Variants in CTNNA2 observed in about 807,000 individuals in gnomAD.
CTNNA2 encodes catenin alpha-2.
CTNNA2 carries 42 observed loss-of-function variants against 101.0 expected under a neutral mutation model. The ratio of observed to expected loss-of-function variants is 0.42; its 90% confidence interval spans 0.32 to 0.54. The LOEUF (loss-of-function observed/expected upper bound fraction) is 0.54. Ranked by LOEUF, CTNNA2 falls within the 20% of genes least tolerant of loss-of-function variation. The pLI is 0.14. For missense variants in CTNNA2, 871 were observed against 1,223.1 expected (o/e 0.71, Z 4.29); for synonymous variants, 450 against 456.4 (o/e 0.99, Z 0.18).
Position 79,889,436 on chromosome 2 carries a change from A to G in CTNNA2, c.852+15094A>G, listed in dbSNP as rs1322682795. 3.3e-5 allele frequency among the ~76,000 whole-genome samples: 5 copies of G among 152,314 alleles called. No homozygotes were observed. In the East Asian group the frequency reaches 7.7e-4, roughly 24 times the overall value. ...ATGCACGTATGATTAGCAGGCACCC[A>G]ACATAACTGAGAACATAAATAGTCG... On this transcript the variant is annotated intron_variant, in intron 6 of 18. Coordinates refer to ENST00000402739, the MANE Select transcript of CTNNA2 (RefSeq NM_001282597.3).
chr2:79,861,821 T>C (rs574029870), intron 4 of CTNNA2, among the ~76,000 whole-genome samples: 1 of 152,328 alleles, frequency 6.6e-6, no homozygotes, highest in African/African-American at 2.4e-5. Context: ...TTAATGTTCC[T>C]GAGTAAAGCT....
Position 80,581,809 on chromosome 2 carries a change from A to C in CTNNA2, c.1997A>C (p.Gln666Pro). 1 of 1,604,984 alleles carries C rather than the reference A, an allele frequency of 6.2e-7. No individual in the cohort carries two copies. Among genetic ancestry groups the C allele is most frequent in the Admixed American group, 1.7e-5 (1 of 59,894 alleles). Residue 666 changes from glutamine to proline, a missense_variant, in exon 14 of 19, where the codon CAG becomes CCG. By Grantham distance (76) the Gln-to-Pro change is moderately conservative (BLOSUM62 -1). This residue lies in a region of CTNNA2 where 93 missense variants were observed against 223.7 expected (regional missense o/e 0.42). Coordinates refer to ENST00000402739, the MANE Select transcript of CTNNA2 (RefSeq NM_001282597.3). ...GAGGATGACCAGCTCATTGCAGGGCAGAGCGCACGGGTGAGTGGACACCTA... is the reference window on the plus strand; with the variant it reads ...GAGGATGACCAGCTCATTGCAGGGCCGAGCGCACGGGTGAGTGGACACCTA... The part of the protein sequence containing the change: ...QTEDDQLIAG[Q>P]SARAIMAQLP...
intron 1 of CTNNA2, among the ~76,000 whole-genome samples, chr2:79,194,273 T>C (rs1424280849): frequency 6.6e-6 from 1 of 152,080 alleles, no homozygotes; most frequent in Non-Finnish European, 1.5e-5. Flanking sequence ...TTAAAAGAGG[T>C]GACATGTGAG....
chr2:79,289,357 A>G (rs1341688228), intron 2 of CTNNA2, among the ~76,000 whole-genome samples: 1 of 152,220 alleles, frequency 6.6e-6, no homozygotes, highest in African/African-American at 2.4e-5. Context: ...TTAATGATGA[A>G]GACAACAAAA....
chr2:79,951,462 T>G (rs1419753267), intron 7 of CTNNA2, among the ~76,000 whole-genome samples: 1 of 152,136 alleles, frequency 6.6e-6, no homozygotes, highest in Non-Finnish European at 1.5e-5. Context: ...AGGTCAGGAT[T>G]CGAGACCAGC....
rs536896880 is a variant in CTNNA2 at position 80,017,162 on chromosome 2, G to A, written c.1056+107365G>A. Among the ~76,000 whole-genome samples the A allele has an allele frequency of 5.3e-5, 8 of 152,196 alleles. No homozygotes were observed. The East Asian group carries it at 1.4e-3, about 26-fold the overall frequency. On this transcript the variant is annotated intron_variant, in intron 7 of 18. Coordinates refer to ENST00000402739, the MANE Select transcript of CTNNA2 (RefSeq NM_001282597.3). ...AAATGCACAATTCCTTTGCCTAGTGGGTAAGCCCCCTTCTAGAGTGTAAAC... is the reference window on the plus strand; with the variant it reads ...AAATGCACAATTCCTTTGCCTAGTGAGTAAGCCCCCTTCTAGAGTGTAAAC...
intron 2 of CTNNA2, among the ~76,000 whole-genome samples, chr2:79,265,829 C>A (rs1674979812): frequency 6.6e-6 from 1 of 152,066 alleles, no homozygotes; most frequent in Non-Finnish European, 1.5e-5. Flanking sequence ...GCTATCTCTC[C>A]AGAGATTCTT....
intron 2 of CTNNA2, among the ~76,000 whole-genome samples, chr2:79,311,175 C>G (rs1055245002): frequency 1.3e-5 from 2 of 152,094 alleles, no homozygotes; most frequent in Admixed American, 6.5e-5. Flanking sequence ...TTTGGGAGGC[C>G]GAGGCGGGCG....
At chr2:79,771,693 T>C (rs913955587) in intron 3 of CTNNA2, among the ~76,000 whole-genome samples, 1 of 152,168 alleles carries the variant, frequency 6.6e-6, no homozygotes, top group Non-Finnish European at 1.5e-5. Context: ...GCTCAGGCGG[T>C]AATGCCAGTG....
intron 1 of CTNNA2, among the ~76,000 whole-genome samples, chr2:79,532,760 A>G (rs903027854): frequency 6.6e-6 from 1 of 151,974 alleles, no homozygotes; most frequent in African/African-American, 2.4e-5. Context: ...CATTTCTCCA[A>G]TGCTAAAACC....
rs139947364 is a variant in CTNNA2, at chr2:80,429,270, T to G, written c.1290+9669T>G. On this transcript the variant is annotated intron_variant, in intron 9 of 18. Coordinates refer to ENST00000402739, the MANE Select transcript of CTNNA2 (RefSeq NM_001282597.3). The stretch of plus-strand genomic sequence containing the variant: ...AAAGCTAGGGTTTTAAAATTAACTA[T>G]TTATAACCTTATTTAATGCTTCTGA... Among the ~76,000 whole-genome samples the G allele has an allele frequency of 4.1e-3, 628 of 152,274 alleles. 5 individuals are homozygous for G. The highest frequency in any genetic ancestry group is 0.014 in the African/African-American group (599 of 41,554).
chr2:79,312,057 C>T (rs528805606), intron 2 of CTNNA2, among the ~76,000 whole-genome samples: 1 of 151,322 alleles, frequency 6.6e-6, no homozygotes, highest in South Asian at 2.1e-4. Flanking sequence ...CACATGCTAC[C>T]ATGCATGGCT....
At chr2:80,541,236 G>T (rs1472324136) in intron 9 of CTNNA2, among the ~76,000 whole-genome samples, 1 of 152,166 alleles carries the variant, frequency 6.6e-6, no homozygotes, top group Non-Finnish European at 1.5e-5. Context: ...CATCATATTG[G>T]AAATATTTTC....
intron 1 of CTNNA2, among the ~76,000 whole-genome samples, chr2:79,551,136 T>C (rs1674074647): frequency 6.6e-6 from 1 of 152,136 alleles, no homozygotes. Context: ...AGAAAAAAAC[T>C]GAGGTGAGTC....
At position 80,279,750 on chromosome 2, in the gene CTNNA2, G is replaced by A. The variant is rs1427270560; in HGVS notation, c.1057-113461G>A. ...GCCTTGAAATGTTCCTTGCCCAAGT[G>A]AGAGGCAGTGGTCAATGCATGGAGA... On this transcript the variant is annotated intron_variant, in intron 7 of 18. Coordinates refer to ENST00000402739, the MANE Select transcript of CTNNA2 (RefSeq NM_001282597.3). 2.0e-5 allele frequency among the ~76,000 whole-genome samples: 3 copies of A among 152,134 alleles called. No individual in the cohort carries two copies. The East Asian group carries it at 5.8e-4, about 29-fold the overall frequency.
At chr2:79,473,642 A>G (rs1374933678) in intron 4 of CTNNA2, among the ~76,000 whole-genome samples, 1 of 152,190 alleles carries the variant, frequency 6.6e-6, no homozygotes, top group African/African-American at 2.4e-5. Context: ...CAAGGATTCT[A>G]TATCTAGCAA....
intron 4 of CTNNA2, among the ~76,000 whole-genome samples, chr2:79,375,905 T>G (rs1440165562): frequency 6.6e-6 from 1 of 152,170 alleles, no homozygotes; most frequent in Non-Finnish European, 1.5e-5. Flanking sequence ...AAGAAATGCT[T>G]AAAACGAGTC....
At chr2:79,839,192 A>G (rs1296577393) in intron 3 of CTNNA2, among the ~76,000 whole-genome samples, 1 of 152,084 alleles carries the variant, frequency 6.6e-6, no homozygotes, top group Non-Finnish European at 1.5e-5. Context: ...TTAGCAAGGT[A>G]TAAAATTAAA....
At chr2:79,373,673 T>A (rs1677922922) in intron 3 of CTNNA2, among the ~76,000 whole-genome samples, 1 of 152,132 alleles carries the variant, frequency 6.6e-6, no homozygotes, top group African/African-American at 2.4e-5. Context: ...GGAAGCATTT[T>A]TTTAAATACC....
Sources: gnomAD v4.1 joint callset for allele counts (sites outside exome capture counted in the v4.1 genomes callset) on GRCh38, gnomAD v4.1.1 for gene constraint, gnomAD v4.1.1 regional missense constraint, MANE v1.5 for transcripts, NCBI Gene and HGNC (gene_info 2026-07-23, HGNC 2026-07-21) for gene names.